Variants in RETREG1 observed in about 807,000 individuals in gnomAD.
RETREG1 encodes reticulophagy regulator 1, also known as family with sequence similarity 134 member B.
Under a neutral mutation model 54.8 loss-of-function variants are expected in RETREG1, and 44 were observed. The observed-to-expected ratio is 0.80, with a 90% CI of 0.63 to 1.03. The LOEUF is 1.03. Ranked by LOEUF, RETREG1 falls within the 50% of genes least tolerant of loss-of-function variation. RETREG1 has a pLI of 0.00. For missense variants in RETREG1, 554 were observed against 605.1 expected (o/e 0.92, Z 0.89); for synonymous variants, 217 against 238.5 (o/e 0.91, Z 0.83).
chr5:16,569,290 T>TCTTTC (rs139534788), intron 2 of RETREG1, among the ~76,000 whole-genome samples: 2 of 142,420 alleles, frequency 1.4e-5, no homozygotes, highest in Non-Finnish European at 3.0e-5. Context: ...TTTCTTTCTT[T>TCTTTC]TTTTTTTTTT....
At chr5:16,542,970 G>T (rs947561911) in intron 3 of RETREG1, among the ~76,000 whole-genome samples, 2 of 152,104 alleles carry the variant, frequency 1.3e-5, no homozygotes, top group Non-Finnish European at 2.9e-5. Flanking sequence ...TAGTTTTCTG[G>T]TACCCCTTTT....
intron 3 of RETREG1, among the ~76,000 whole-genome samples, chr5:16,512,592 T>C (rs1740214227): frequency 6.6e-6 from 1 of 152,092 alleles, no homozygotes; most frequent in Non-Finnish European, 1.5e-5. Context: ...GTTTTTTTTT[T>C]TCTATCTCCT....
In RETREG1 at chr5:16,561,882, C is replaced by T. The variant is rs1022212414; in HGVS notation, c.458+3881G>A. Among the ~76,000 whole-genome samples the T allele has an allele frequency of 1.3e-5, 2 of 152,112 alleles. No homozygotes were observed. The highest frequency in any genetic ancestry group is 2.4e-5 in the African/African-American group (1 of 41,416). ...TGAGTCTCAGTAAATCTGAAAGAAC[C>T]CTGAGTCAAAGAGCATGGAGTGCTT... On this transcript the variant is annotated intron_variant, in intron 3 of 8. Coordinates refer to ENST00000306320, the MANE Select transcript of RETREG1 (RefSeq NM_001034850.3). The surrounding 1 kb of genome is among the most constrained non-coding windows in gnomAD (Gnocchi z 4.2).
intron 3 of RETREG1, among the ~76,000 whole-genome samples, chr5:16,556,742 C>T (rs1320851659): frequency 1.3e-5 from 2 of 152,148 alleles, no homozygotes; most frequent in East Asian, 1.9e-4. Flanking sequence ...AACATGTTGC[C>T]TGTGAAAGGA....
Position 16,487,071 on chromosome 5 carries a change from C to T in RETREG1, c.459-3599G>A, listed in dbSNP as rs550000417. The stretch of plus-strand genomic sequence containing the variant: ...TTTCCATGGTGTGTAGCTGTCTTCC[C>T]ACCATCCTTGGCACTGATCACCATG... On this transcript the variant is annotated intron_variant, in intron 3 of 8. Transcript: ENST00000306320. Among the ~76,000 whole-genome samples, 11 of 152,258 alleles carry T rather than the reference C, an allele frequency of 7.2e-5. 1 individual carries two copies. In the South Asian group the frequency reaches 2.1e-3, roughly 29 times the overall value.
At chr5:16,524,659 A>C (rs767574462) in intron 3 of RETREG1, among the ~76,000 whole-genome samples, 58 of 152,370 alleles carry the variant, frequency 3.8e-4, no homozygotes, top group Non-Finnish European at 7.2e-4. Context: ...CAATGAAATC[A>C]CAAGTTGTGT....
At chr5:16,572,953 G>T (rs1189126602) in intron 1 of RETREG1, among the ~76,000 whole-genome samples, 2 of 152,010 alleles carry the variant, frequency 1.3e-5, no homozygotes, top group Non-Finnish European at 2.9e-5. Flanking sequence ...GGGAGGCCGA[G>T]GCAGGCGGAT....
chr5:16,584,339 C>T (rs1328478590), intron 1 of RETREG1, among the ~76,000 whole-genome samples: 1 of 152,052 alleles, frequency 6.6e-6, no homozygotes, highest in East Asian at 1.9e-4. Context: ...AATATGAAAT[C>T]CAGAAAGGAT....
chr5:16,579,385 A>G lies in RETREG1; in HGVS notation c.321-7283T>C, dbSNP rs576704453. On this transcript the variant is annotated intron_variant, in intron 1 of 8. Coordinates refer to ENST00000306320, the MANE Select transcript of RETREG1 (RefSeq NM_001034850.3). ...CTAAGCCAGCTCTTGCCATTCTGCT[A>G]AACGGCTGCTGGACACAAGTGTCTG... Among the ~76,000 whole-genome samples, 25 of 152,342 alleles carry G rather than the reference A, an allele frequency of 1.6e-4. No homozygotes were observed. In the East Asian group the frequency reaches 4.8e-3, roughly 29 times the overall value.
chr5:16,613,515 C>T (rs186510776), intron 1 of RETREG1, among the ~76,000 whole-genome samples: 119 of 152,306 alleles, frequency 7.8e-4, no homozygotes, highest in African/African-American at 2.6e-3. Context: ...CCATTGGTTA[C>T]GGCTGTGTCA....
chr5:16,491,410 G>A (rs1035050958), intron 3 of RETREG1, among the ~76,000 whole-genome samples: 1 of 152,188 alleles, frequency 6.6e-6, no homozygotes, highest in African/African-American at 2.4e-5. Flanking sequence ...GTCTTCAGTA[G>A]CTAACAGAGC....
chr5:16,572,885 T>C (rs1380677819), intron 1 of RETREG1, among the ~76,000 whole-genome samples: 2 of 152,036 alleles, frequency 1.3e-5, no homozygotes, highest in South Asian at 2.1e-4. Context: ...CCCTCGTCTC[T>C]TAAAAACAGC....
chr5:16,530,709 C>T (rs1476738596), intron 3 of RETREG1, among the ~76,000 whole-genome samples: 1 of 152,086 alleles, frequency 6.6e-6, no homozygotes, highest in East Asian at 1.9e-4. Flanking sequence ...CCTGTCTAGA[C>T]TAAAAATACA....
At chr5:16,562,495 C>G (rs1427969550) in intron 3 of RETREG1, among the ~76,000 whole-genome samples, 4 of 152,100 alleles carry the variant, frequency 2.6e-5, no homozygotes, top group Non-Finnish European at 5.9e-5. Context: ...CCTGGCTGTT[C>G]TCATCAACAG....
chr5:16,484,079 T>C (rs951278362), intron 3 of RETREG1, among the ~76,000 whole-genome samples: 3 of 152,150 alleles, frequency 2.0e-5, no homozygotes, highest in African/African-American at 7.2e-5. Context: ...GAAAACTCTA[T>C]AGAAAATTGT....
intron 1 of RETREG1, among the ~76,000 whole-genome samples, chr5:16,611,483 T>G (rs1160797926): frequency 6.6e-6 from 1 of 152,202 alleles, no homozygotes; most frequent in Non-Finnish European, 1.5e-5. Flanking sequence ...CCATTAAATT[T>G]CAATACAGCG....
At chr5:16,512,359 C>T (rs992866804) in intron 3 of RETREG1, among the ~76,000 whole-genome samples, 9 of 152,172 alleles carry the variant, frequency 5.9e-5, no homozygotes, top group Non-Finnish European at 1.3e-4. Context: ...ACACATGCTG[C>T]AGAAGCCCAA....
At chr5:16,478,637 G>A (rs1441230708) in intron 6 of RETREG1, among the ~76,000 whole-genome samples, 15 of 151,924 alleles carry the variant, frequency 9.9e-5, no homozygotes, top group Admixed American at 8.5e-4. Context: ...CTGACACTGT[G>A]GATTAAAAAG....
chr5:16,524,914 G>GTGGGGGACACTGTGATGACCTGTGTCCTC (rs1561104229), intron 3 of RETREG1, among the ~76,000 whole-genome samples: 4 of 119,664 alleles, frequency 3.3e-5, no homozygotes, highest in Non-Finnish European at 5.3e-5. Flanking sequence ...GTGGATGTGC[G>GTGGGGGACACTGTGATGACCTGTGTCCTC]CGGGGGACAC....
Sources: allele counts gnomAD v4.1 joint callset (sites outside exome capture counted in the v4.1 genomes callset), GRCh38; gene constraint gnomAD v4.1.1; non-coding constraint Gnocchi (gnomAD v3.1); transcripts MANE v1.5; gene names NCBI Gene and HGNC (gene_info 2026-07-23, HGNC 2026-07-21).